GAS2: variants seen among roughly 807,000 people sequenced by gnomAD.
GAS2 encodes the protein growth arrest specific 2.
Under a neutral mutation model 37.5 loss-of-function variants are expected in GAS2, and 20 were observed. That is an observed-to-expected ratio of 0.53 (90% CI 0.37 to 0.77). The LOEUF is 0.77. Among genes scored for constraint, GAS2 ranks in the 30% least tolerant of loss-of-function variants. The pLI, the probability that GAS2 is intolerant of heterozygous loss-of-function variation, is 0.00. For synonymous variants in GAS2, 144 were observed against 132.2 expected (o/e 1.09, Z -0.61); for missense variants, 336 against 373.4 (o/e 0.90, Z 0.82).
intron 7 of GAS2, among the ~76,000 whole-genome samples, chr11:22,770,446 C>T (rs1854921534): frequency 6.6e-6 from 1 of 152,246 alleles, no homozygotes; most frequent in Non-Finnish European, 1.5e-5. Context: ...GTAGGATATT[C>T]CCCCAAAGTA....
chr11:22,764,527 A>C (rs1428812413), intron 7 of GAS2, among the ~76,000 whole-genome samples: 1 of 143,318 alleles, frequency 7.0e-6, no homozygotes, highest in Non-Finnish European at 1.5e-5. Flanking sequence ...TCGCCGCTGC[A>C]CTCCAGCCTG....
intron 3 of GAS2, among the ~76,000 whole-genome samples, chr11:22,696,099 C>A (rs1031817545): frequency 7.0e-6 from 1 of 142,688 alleles, no homozygotes; most frequent in Non-Finnish European, 1.5e-5. Context: ...CCCCTCCCCC[C>A]ACTCCACAAC....
chr11:22,721,111 G>A (rs1851926523), intron 3 of GAS2, among the ~76,000 whole-genome samples: 1 of 151,946 alleles, frequency 6.6e-6, no homozygotes, highest in African/African-American at 2.4e-5. Context: ...AATTCATTTG[G>A]TGCTGTTTTT....
At chr11:22,643,801 A>C (rs1429678005) in intron 1 of GAS2, among the ~76,000 whole-genome samples, 29 of 152,074 alleles carry the variant, frequency 1.9e-4, no homozygotes, top group Non-Finnish European at 5.9e-5. Context: ...CTTTATTTTT[A>C]TCCAACAGTT....
chr11:22,673,264 T>A (rs1453953398), intron 1 of GAS2, among the ~76,000 whole-genome samples: 1 of 152,174 alleles, frequency 6.6e-6, no homozygotes, highest in East Asian at 1.9e-4. Flanking sequence ...ATATTTAAAA[T>A]AAATTAACTT....
intron 7 of GAS2, among the ~76,000 whole-genome samples, chr11:22,785,168 A>G (rs1281497001): frequency 6.6e-6 from 1 of 152,160 alleles, no homozygotes; most frequent in East Asian, 1.9e-4. Context: ...ACTTTGCATC[A>G]TTACTGAGGG....
chr11:22,811,684 A>G lies in GAS2; in HGVS notation c.724-114A>G, dbSNP rs1857174226. The G allele has an allele frequency of 5.7e-5, 57 of 996,338 alleles. No homozygotes were observed. In the South Asian group the frequency reaches 8.8e-4, roughly 15 times the overall value. 61.7% of individuals were successfully genotyped at this position (996,338 alleles called of 1,614,324 possible). On this transcript the variant is annotated intron_variant, in intron 7 of 7. Coordinates refer to ENST00000454584, the MANE Select transcript of GAS2 (RefSeq NM_001143830.3). ...TCAGACATTTTGCACCAAGTAGAAA[A>G]ACAATGGGTCATGAAATACAAACCA...
At chr11:22,678,125 A>G (rs1849519503) in intron 2 of GAS2, among the ~76,000 whole-genome samples, 1 of 152,212 alleles carries the variant, frequency 6.6e-6, no homozygotes, top group African/African-American at 2.4e-5. Context: ...CATACAAAGT[A>G]GATAGATAAT....
intron 1 of GAS2, among the ~76,000 whole-genome samples, chr11:22,647,143 A>C (rs941756697): frequency 1.6e-4 from 22 of 135,544 alleles, no homozygotes; most frequent in African/African-American, 5.9e-4. Flanking sequence ...TCATTGTTCA[A>C]TTCCCACCTA....
At chr11:22,726,268 AG>A (rs1565111888) in intron 3 of GAS2, 23 bp from the exon 4 acceptor site, 1 of 1,582,756 alleles carries the variant, frequency 6.3e-7, no homozygotes, top group East Asian at 2.2e-5. Context: ...GATTTCTCCT[AG>A]AACGAATTTC....
At chr11:22,679,065 A>G (rs1355216879) in intron 2 of GAS2, among the ~76,000 whole-genome samples, 1 of 152,066 alleles carries the variant, frequency 6.6e-6, no homozygotes, top group Non-Finnish European at 1.5e-5. Context: ...TCTAGGGGGT[A>G]GCACACACTG....
At chr11:22,800,965 T>C (rs912938359) in intron 7 of GAS2, among the ~76,000 whole-genome samples, 1 of 151,992 alleles carries the variant, frequency 6.6e-6, no homozygotes, top group Non-Finnish European at 1.5e-5. Flanking sequence ...TTTTTCTGGC[T>C]CTCCTATGTG....
Position 22,630,377 on chromosome 11 carries a change from G to A in GAS2, c.-21+4564G>A, listed in dbSNP as rs895270510. ...CCGTGTCCCTACAAATACCATTCAG[G>A]ACATAGGCATGGGCAAGAACTTCAT... On this transcript the variant is annotated intron_variant, in intron 1 of 5. Coordinates refer to the GAS2 transcript ENST00000528582. 1.8e-4 allele frequency among the ~76,000 whole-genome samples: 27 copies of A among 152,078 alleles called. 2 individuals carry two copies. Among genetic ancestry groups the A allele is most frequent in the Non-Finnish European group, 2.9e-5 (2 of 68,012 alleles).
chr11:22,713,173 C>T (rs1239993169), intron 3 of GAS2, among the ~76,000 whole-genome samples: 1 of 151,304 alleles, frequency 6.6e-6, no homozygotes, highest in East Asian at 1.9e-4. Context: ...AGGACAATCA[C>T]AACTTCTGGA....
chr11:22,670,269 G>A (rs972053818), intron 1 of GAS2, among the ~76,000 whole-genome samples: 2 of 151,356 alleles, frequency 1.3e-5, no homozygotes, highest in African/African-American at 4.9e-5. Context: ...GGTTGATTAG[G>A]ATTCATTGTT....
At chr11:22,685,356 G>C (rs1019260854) in intron 2 of GAS2, among the ~76,000 whole-genome samples, 1 of 152,116 alleles carries the variant, frequency 6.6e-6, no homozygotes, top group Non-Finnish European at 1.5e-5. Flanking sequence ...GAGTTTTGTT[G>C]GTTAGTTTTC....
chr11:22,708,008 AGT>A (rs1565100234), intron 3 of GAS2, among the ~76,000 whole-genome samples: 1 of 152,116 alleles, frequency 6.6e-6, no homozygotes, highest in Admixed American at 6.6e-5. Context: ...GTCTGAGGTG[AGT>A]GTGTCAATAT....
At chr11:22,638,455 C>T (rs754795967) in intron 1 of GAS2, among the ~76,000 whole-genome samples, 4 of 151,676 alleles carry the variant, frequency 2.6e-5, no homozygotes, top group Non-Finnish European at 5.9e-5. Flanking sequence ...AAGCGATTCT[C>T]CTGCCTCAGC....
chr11:22,657,088 A>T (rs1166816529), intron 1 of GAS2, among the ~76,000 whole-genome samples: 1 of 152,214 alleles, frequency 6.6e-6, no homozygotes, highest in East Asian at 1.9e-4. Flanking sequence ...GGAAGTGTGA[A>T]TAAGATGAAG....
Sources: allele counts gnomAD v4.1 joint callset (sites outside exome capture counted in the v4.1 genomes callset), GRCh38; gene constraint gnomAD v4.1.1; transcripts MANE v1.5; gene names NCBI Gene and HGNC (gene_info 2026-07-23, HGNC 2026-07-21).